The following EVA1C variants were observed in gnomAD, a reference collection of about 807,000 sequenced individuals.
The protein encoded by EVA1C is eva-1 homolog C.
Under a neutral mutation model 45.4 loss-of-function variants are expected in EVA1C, and 25 were observed. The ratio of observed to expected loss-of-function variants is 0.55; its 90% CI spans 0.40 to 0.77. The LOEUF is 0.77. EVA1C is among the 30% of genes least tolerant of loss of function. EVA1C has a pLI of 0.00. For synonymous variants in EVA1C, 190 were observed against 221.2 expected (o/e 0.86, Z 1.25); for missense variants, 479 against 554.8 (o/e 0.86, Z 1.37).
At chr21:32,416,326 T>TC (rs11399321) in intron 1 of EVA1C, among the ~76,000 whole-genome samples, 37,762 of 129,240 alleles carry the variant, frequency 0.29, 6,111 homozygotes, top group African/African-American at 0.58. Context: ...TTTTTCTTTT[T>TC]TTTTTTTTTT....
intron 1 of EVA1C, among the ~76,000 whole-genome samples, chr21:32,447,721 T>G (rs1231175260): frequency 6.6e-6 from 1 of 152,106 alleles, no homozygotes; most frequent in Non-Finnish European, 1.5e-5. Context: ...TTTCTGTGTT[T>G]TGAGATGGAG....
intron 4 of EVA1C, among the ~76,000 whole-genome samples, chr21:32,478,024 G>C (rs2036645951): frequency 6.8e-6 from 1 of 146,986 alleles, no homozygotes; most frequent in Admixed American, 6.9e-5. Flanking sequence ...CCCCACACAA[G>C]CTCTGGTTCA....
At chr21:32,494,025 C>A (rs183913175) in intron 4 of EVA1C, among the ~76,000 whole-genome samples, 62 of 152,206 alleles carry the variant, frequency 4.1e-4, no homozygotes, top group African/African-American at 1.4e-3. Context: ...GTCTCGAATT[C>A]CTGACCTCAG....
chr21:32,511,704 A>G (rs1410177134), intron 7 of EVA1C, among the ~76,000 whole-genome samples: 1 of 152,180 alleles, frequency 6.6e-6, no homozygotes, highest in Non-Finnish European at 1.5e-5. Context: ...GACTGACAGG[A>G]TTTCTCACAC....
intron 1 of EVA1C, among the ~76,000 whole-genome samples, chr21:32,419,670 G>A (rs1293316164): frequency 6.6e-6 from 1 of 152,118 alleles, no homozygotes; most frequent in Non-Finnish European, 1.5e-5. Context: ...AGCCGAAATC[G>A]TGCTTCTGCA....
chr21:32,453,178 G>C, intron 1 of EVA1C, 134 bp from the exon 2 acceptor site: 1 of 592,518 alleles, frequency 1.7e-6, no homozygotes, highest in South Asian at 2.5e-5. Flanking sequence ...CACCAGAGCT[G>C]CTAGGGAGGC....
intron 3 of EVA1C, among the ~76,000 whole-genome samples, chr21:32,460,330 A>C (rs1426357067): frequency 6.6e-6 from 1 of 152,200 alleles, no homozygotes; most frequent in East Asian, 1.9e-4. Context: ...CTCTGTCCAA[A>C]AAACAACAAC....
At chr21:32,510,861 C>T (rs1350057375) in intron 7 of EVA1C, among the ~76,000 whole-genome samples, 1 of 152,032 alleles carries the variant, frequency 6.6e-6, no homozygotes, top group African/African-American at 2.4e-5. Context: ...AAAGTCAGAC[C>T]TCATCTTTAC....
chr21:32,485,561 G>A (rs1291546950), intron 4 of EVA1C, among the ~76,000 whole-genome samples: 1 of 151,882 alleles, frequency 6.6e-6, no homozygotes, highest in African/African-American at 2.4e-5. Context: ...CCCTTGTCCT[G>A]GCTCCTCATG....
chr21:32,489,340 T>C (rs2037079456), intron 4 of EVA1C, among the ~76,000 whole-genome samples: 1 of 152,218 alleles, frequency 6.6e-6, no homozygotes, highest in Admixed American at 6.5e-5. Context: ...CCCAACACCA[T>C]TTATTGAAAA....
intron 4 of EVA1C, among the ~76,000 whole-genome samples, chr21:32,475,020 A>G (rs560927573): frequency 2.0e-4 from 30 of 152,308 alleles, no homozygotes; most frequent in African/African-American, 6.7e-4. Context: ...CCTTAACCCT[A>G]GAAGCTGGCA....
chr21:32,464,181 T>G (rs189669009), intron 3 of EVA1C, among the ~76,000 whole-genome samples: 142 of 152,346 alleles, frequency 9.3e-4, no homozygotes, highest in African/African-American at 3.2e-3. Context: ...GGCTCTAAGT[T>G]TAAGCTGTTG....
At chr21:32,429,254 A>G (rs913444782) in intron 1 of EVA1C, among the ~76,000 whole-genome samples, 7 of 152,088 alleles carry the variant, frequency 4.6e-5, no homozygotes, top group Middle Eastern at 3.4e-3. Flanking sequence ...TTGGCTAGGC[A>G]GGTCTTGAAC....
At chr21:32,467,651 TCTGGGGGAAG>T in intron 3 of EVA1C, 35 bp from the exon 4 acceptor site, 1 of 1,568,454 alleles carries the variant, frequency 6.4e-7, no homozygotes, top group South Asian at 1.2e-5. Flanking sequence ...ACCAATTCCT[TCTGGGGGAAG>T]CTGATGGTGC....
intron 4 of EVA1C, among the ~76,000 whole-genome samples, chr21:32,480,792 G>A (rs537401621): frequency 5.6e-4 from 85 of 152,122 alleles, no homozygotes; most frequent in South Asian, 1.2e-3. Context: ...GTGAAACCTC[G>A]TCTCTACTAA....
At chr21:32,482,008 G>A (rs116376365) in intron 4 of EVA1C, among the ~76,000 whole-genome samples, 65 of 152,276 alleles carry the variant, frequency 4.3e-4, no homozygotes, top group African/African-American at 1.5e-3. Flanking sequence ...CCTACCTGAC[G>A]TTAGGTGCCC....
chr21:32,454,583 T>C (rs2035709504), intron 2 of EVA1C, among the ~76,000 whole-genome samples: 1 of 149,622 alleles, frequency 6.7e-6, no homozygotes, highest in Admixed American at 6.9e-5. Flanking sequence ...CCAGGATTAC[T>C]GAGTCACTTG....
chr21:32,477,076 G>C (rs2036595939), intron 4 of EVA1C, among the ~76,000 whole-genome samples: 1 of 152,162 alleles, frequency 6.6e-6, no homozygotes, highest in Admixed American at 6.5e-5. Flanking sequence ...GGTAAAGAGA[G>C]ATGCCACTGA....
intron 4 of EVA1C, among the ~76,000 whole-genome samples, chr21:32,475,843 T>A (rs945800834): frequency 6.6e-6 from 1 of 152,106 alleles, no homozygotes; most frequent in Non-Finnish European, 1.5e-5. Flanking sequence ...GGCATGAGTA[T>A]GTTTACAGTT....
Sources: gnomAD v4.1 joint callset for allele counts (sites outside exome capture counted in the v4.1 genomes callset) on GRCh38, gnomAD v4.1.1 for gene constraint, MANE v1.5 for transcripts, NCBI Gene and HGNC (gene_info 2026-07-23, HGNC 2026-07-21) for gene names.